Variants in ZNF429 observed in about 807,000 individuals in gnomAD.
ZNF429 encodes the protein zinc finger protein 429.
In ZNF429, 53 loss-of-function variants were observed where a neutral mutation model predicts 56.8. That is an observed-to-expected ratio of 0.93 (90% CI 0.75 to 1.17). The LOEUF is 1.17. Ranked by LOEUF, ZNF429 falls within the 50% of genes most tolerant of loss-of-function variation. ZNF429 has a pLI of 0.00. For missense variants in ZNF429, 849 were observed against 788.4 expected (o/e 1.08, Z -0.92); for synonymous variants, 278 against 264.7 (o/e 1.05, Z -0.49).
Position 21,534,406 on chromosome 19 carries a change from T to TTC in ZNF429, c.227-1874_227-1873insTC. On this transcript the variant is annotated intron_variant, in intron 3 of 3. Transcript: ENST00000358491. Reference sequence around the variant, plus strand: ...TATTTGTTGTTTTGAGACAGGAGCTTACTCTGTCACCCAGGTTGGAGTACA... The same window carrying TTC: ...TATTTGTTGTTTTGAGACAGGAGCTTTCACTCTGTCACCCAGGTTGGAGTACA... Among the ~76,000 whole-genome samples, 16 of 124,442 alleles carry TTC rather than the reference T, an allele frequency of 1.3e-4. 1 individual carries two copies. The highest frequency in any genetic ancestry group is 1.6e-4 in the Admixed American group (2 of 12,424). 81.6% of individuals were successfully genotyped at this position (124,442 alleles called of 152,430 possible).
intron 1 of ZNF429, among the ~76,000 whole-genome samples, chr19:21,508,197 C>A (rs566402744): frequency 6.0e-5 from 9 of 150,994 alleles, no homozygotes; most frequent in Non-Finnish European, 1.0e-4. Flanking sequence ...GAGCCGAGAT[C>A]GTGCCATTGC....
At chr19:21,522,744 A>G (rs958587690) in intron 1 of ZNF429, among the ~76,000 whole-genome samples, 10 of 152,134 alleles carry the variant, frequency 6.6e-5, no homozygotes, top group Non-Finnish European at 1.2e-4. Flanking sequence ...AAAAAATACA[A>G]AAATTAGCCG....
intron 1 of ZNF429, among the ~76,000 whole-genome samples, chr19:21,510,897 G>A (rs943667737): frequency 1.2e-4 from 18 of 152,048 alleles, no homozygotes; most frequent in African/African-American, 3.9e-4. Context: ...AGGGTTGGGG[G>A]TAAGGTCATA....
chr19:21,516,264 T>C (rs1345019212), intron 1 of ZNF429, among the ~76,000 whole-genome samples: 1 of 151,778 alleles, frequency 6.6e-6, no homozygotes, highest in East Asian at 1.9e-4. Context: ...TATTATTGTA[T>C]TTTTAGTAGG....
At chr19:21,510,894 G>C (rs1053510915) in intron 1 of ZNF429, among the ~76,000 whole-genome samples, 1 of 152,026 alleles carries the variant, frequency 6.6e-6, no homozygotes, top group Non-Finnish European at 1.5e-5. Context: ...CACAGGGTTG[G>C]GGGTAAGGTC....
chr19:21,533,521 A>G, intron 3 of ZNF429, among the ~76,000 whole-genome samples: 1 of 150,424 alleles, frequency 6.6e-6, no homozygotes, highest in Non-Finnish European at 1.5e-5. Context: ...GCCAAGTCCA[A>G]TGTCATGTCT....
At chr19:21,528,699 C>T (rs2562419) in intron 1 of ZNF429, among the ~76,000 whole-genome samples, 35,495 of 151,174 alleles carry the variant, frequency 0.23, 4,563 homozygotes, top group African/African-American at 0.35. Flanking sequence ...AGTGAGACTC[C>T]GTCTCAAAAA....
intron 2 of ZNF429, among the ~76,000 whole-genome samples, chr19:21,530,177 C>T: frequency 1.4e-5 from 2 of 141,464 alleles, no homozygotes; most frequent in African/African-American, 2.7e-5. Flanking sequence ...GGCAAAAGAG[C>T]GAGACTCCAT....
Position 21,537,793 on chromosome 19 carries a change from T to C in ZNF429, c.1740T>C (p.Leu580=). The part of the protein sequence containing the change: ...CDKAFTHSSN[L]SSHKKIHSGE... ...AAGCTTTTACCCACTCCTCAAACCTTAGTAGTCATAAGAAAATTCATAGTG... is the reference window on the plus strand; with the variant it reads ...AAGCTTTTACCCACTCCTCAAACCTCAGTAGTCATAAGAAAATTCATAGTG... Residue 580 remains leucine (L), a synonymous_variant, in exon 4 of 4, where the codon CTT becomes CTC. Coordinates refer to ENST00000358491, the MANE Select transcript of ZNF429 (RefSeq NM_001001415.4). 1 of 1,613,484 alleles carries C rather than the reference T, an allele frequency of 6.2e-7. No homozygotes were observed. Among genetic ancestry groups the C allele is most frequent in the Non-Finnish European group, 8.5e-7 (1 of 1,179,984 alleles).
At chr19:21,508,015 G>C (rs1246620682) in intron 1 of ZNF429, among the ~76,000 whole-genome samples, 1 of 152,180 alleles carries the variant, frequency 6.6e-6, no homozygotes, top group Non-Finnish European at 1.5e-5. Flanking sequence ...CACTTTGGGA[G>C]GCCAAGGTGG....
chr19:21,527,457 T>C (rs1000879390), intron 1 of ZNF429, among the ~76,000 whole-genome samples: 7 of 152,160 alleles, frequency 4.6e-5, no homozygotes, highest in Non-Finnish European at 1.5e-5. Flanking sequence ...GAGGCCAGAA[T>C]CAAGTATGAA....
chr19:21,505,854 G>A, intron 1 of ZNF429, 80 bp downstream of exon 1: 1 of 1,514,688 alleles, frequency 6.6e-7, no homozygotes, highest in African/African-American at 1.4e-5. Flanking sequence ...GCGGACTTAG[G>A]TCTCCCGGCA....
intron 1 of ZNF429, among the ~76,000 whole-genome samples, chr19:21,516,052 G>GT (rs942513403): frequency 2.0e-5 from 3 of 151,490 alleles, no homozygotes; most frequent in Admixed American, 6.6e-5. Flanking sequence ...TTGTTTTTTT[G>GT]TTTTTTTAAA....
chr19:21,522,894 T>C (rs1272145785), intron 1 of ZNF429, among the ~76,000 whole-genome samples: 1 of 136,992 alleles, frequency 7.3e-6, no homozygotes, highest in Non-Finnish European at 1.6e-5. Flanking sequence ...AGACTCTGTC[T>C]CAAAAAAAAA....
intron 1 of ZNF429, among the ~76,000 whole-genome samples, chr19:21,510,589 A>G (rs1466414584): frequency 6.6e-6 from 1 of 150,912 alleles, no homozygotes; most frequent in Admixed American, 6.6e-5. Context: ...TTAATTTTTT[A>G]ATTTTTTTTT....
rs568571664 is a variant in ZNF429, at chr19:21,536,944, C to T, written c.891C>T (p.Ser297=). The T allele has an allele frequency of 1.0e-4, 161 of 1,609,806 alleles. 1 individual carries two copies. In the South Asian group the frequency reaches 1.7e-3, roughly 17 times the overall value. ...CDECGKTFSI[S]STFTKHKIIH... Reference sequence around the variant, plus strand: ...AATGTGGCAAAACCTTTAGCATATCCTCAACCTTTACTAAACATAAGATAA... The same window carrying T: ...AATGTGGCAAAACCTTTAGCATATCTTCAACCTTTACTAAACATAAGATAA... Residue 297 remains serine, a synonymous_variant, in exon 4 of 4, where the codon TCC becomes TCT. Coordinates refer to ENST00000358491, the MANE Select transcript of ZNF429 (RefSeq NM_001001415.4).
chr19:21,515,186 G>A (rs186965012), intron 1 of ZNF429, among the ~76,000 whole-genome samples: 24 of 144,338 alleles, frequency 1.7e-4, no homozygotes, highest in Non-Finnish European at 3.0e-4. Context: ...AGTGATCCCC[G>A]TACCTTGGCC....
In ZNF429 at chr19:21,505,625, C is replaced by G. The variant is rs1286018577; in HGVS notation, c.-147C>G. On this transcript the variant is annotated 5_prime_UTR_variant, in exon 1 of 4. Transcript: ENST00000358491. The stretch of plus-strand genomic sequence containing the variant: ...GGACGGTTTCCGGAATATGGCGGGG[C>G]GTTTGGCTCTTGCTGCAGCCAGAGC... 7.3e-6 allele frequency: 5 copies of G among 685,272 alleles called. No individual in the cohort carries two copies. The highest frequency in any genetic ancestry group is 6.9e-6 in the Non-Finnish European group (3 of 434,794). The allele number at this position is 685,272 out of a possible 1,614,324, so 42.4% of individuals were successfully genotyped here.
chr19:21,514,243 T>C (rs2032634590), intron 1 of ZNF429, among the ~76,000 whole-genome samples: 1 of 152,190 alleles, frequency 6.6e-6, no homozygotes, highest in Admixed American at 6.6e-5. Flanking sequence ...ATCATATAGA[T>C]AAAATTGTGT....
Sources: allele counts gnomAD v4.1 joint callset (sites outside exome capture counted in the v4.1 genomes callset), GRCh38; gene constraint gnomAD v4.1.1; transcripts MANE v1.5; gene names NCBI Gene and HGNC (gene_info 2026-07-23, HGNC 2026-07-21).